Variants in LSAMP observed in about 807,000 individuals in gnomAD.
LSAMP encodes the protein limbic system associated membrane protein.
A neutral mutation model predicts 38.6 loss-of-function variants in LSAMP; 7 were observed. That is an observed-to-expected ratio of 0.18 (90% confidence interval 0.10 to 0.34). The LOEUF is 0.34. Among genes scored for constraint, LSAMP ranks in the 10% least tolerant of loss-of-function variants. The pLI is 1.00. For synonymous variants in LSAMP, 154 were observed against 166.8 expected (o/e 0.92, Z 0.59); for missense variants, 313 against 420.0 (o/e 0.75, Z 2.23).
chr3:115,939,078 CT>C (rs1307364111), intron 3 of LSAMP, among the ~76,000 whole-genome samples: 2 of 152,066 alleles, frequency 1.3e-5, no homozygotes, highest in Non-Finnish European at 2.9e-5. Flanking sequence ...ACCTTAGAAA[CT>C]GGTACTGAAA....
chr3:116,034,005 T>C (rs548296696), intron 2 of LSAMP, among the ~76,000 whole-genome samples: 1 of 152,228 alleles, frequency 6.6e-6, no homozygotes, highest in East Asian at 1.9e-4. Flanking sequence ...GAGACTACAT[T>C]TGAGTTTCTA....
chr3:116,086,309 C>T lies in LSAMP; in HGVS notation c.388+15G>A, dbSNP rs1442730694. The T allele has an allele frequency of 6.2e-7, 1 of 1,604,576 alleles. No individual in the cohort carries two copies. The highest frequency in any genetic ancestry group is 8.5e-7 in the Non-Finnish European group (1 of 1,171,654). On this transcript the variant is annotated intron_variant, in intron 2 of 6. Coordinates refer to ENST00000490035, the MANE Select transcript of LSAMP (RefSeq NM_002338.5). ...ACCTCTTTCTTACCACCCTTCTATC[C>T]CACACTTTCCTTACCTTGTACGATC... is the stretch of plus-strand genomic sequence containing the variant.
chr3:116,183,159 T>C (rs559896234), intron 1 of LSAMP, among the ~76,000 whole-genome samples: 1 of 151,954 alleles, frequency 6.6e-6, no homozygotes, highest in East Asian at 1.9e-4. Flanking sequence ...ATTGAAGTGA[T>C]GGGGATAAAA....
intron 1 of LSAMP, among the ~76,000 whole-genome samples, chr3:116,304,119 C>G (rs1032826977): frequency 6.6e-6 from 1 of 152,074 alleles, no homozygotes; most frequent in African/African-American, 2.4e-5. Flanking sequence ...CTCTGCAGTT[C>G]AACAAAGATA....
intron 3 of LSAMP, among the ~76,000 whole-genome samples, chr3:115,992,051 CTAAGT>C (rs1939685472): frequency 6.6e-6 from 1 of 152,006 alleles, no homozygotes; most frequent in Non-Finnish European, 1.5e-5. Context: ...GATGTAGAAA[CTAAGT>C]TATTTATTGT....
At chr3:116,427,245 C>A (rs543096968) in intron 1 of LSAMP, among the ~76,000 whole-genome samples, 29 of 151,332 alleles carry the variant, frequency 1.9e-4, no homozygotes, top group African/African-American at 7.3e-5. Flanking sequence ...CTCAGCCTCC[C>A]GAGTAGCTGG....
At chr3:115,888,587 C>G (rs890625501) in intron 3 of LSAMP, among the ~76,000 whole-genome samples, 32 of 151,934 alleles carry the variant, frequency 2.1e-4, no homozygotes, top group African/African-American at 6.3e-4. Flanking sequence ...TATACTCAAA[C>G]TGATCCGAAT....
intron 1 of LSAMP, among the ~76,000 whole-genome samples, chr3:116,230,693 A>C (rs2046393209): frequency 6.6e-6 from 1 of 152,100 alleles, no homozygotes; most frequent in African/African-American, 2.4e-5. Context: ...AATGTTCACC[A>C]ATTGCTGCCT....
At chr3:116,366,482 C>T (rs1363142302) in intron 1 of LSAMP, among the ~76,000 whole-genome samples, 1 of 152,096 alleles carries the variant, frequency 6.6e-6, no homozygotes, top group African/African-American at 2.4e-5. Flanking sequence ...TAATGGCCAT[C>T]CATTCTCAGT....
chr3:116,084,228 C>G (rs1452759451), intron 2 of LSAMP, among the ~76,000 whole-genome samples: 1 of 151,948 alleles, frequency 6.6e-6, no homozygotes, highest in African/African-American at 2.4e-5. Context: ...ACTTCTCCAT[C>G]CCTTAAGTTA....
intron 6 of LSAMP, among the ~76,000 whole-genome samples, chr3:115,816,357 G>A (rs1038042112): frequency 1.3e-5 from 2 of 152,178 alleles, no homozygotes; most frequent in African/African-American, 4.8e-5. Context: ...GGAACAGGGA[G>A]CAGCGCAAAG....
At chr3:116,080,364 A>G (rs1361861139) in intron 2 of LSAMP, among the ~76,000 whole-genome samples, 9 of 152,002 alleles carry the variant, frequency 5.9e-5, no homozygotes. Context: ...CTTTTCCCTT[A>G]TTTTCTCTCC....
chr3:116,172,852 G>T (rs928293014), intron 1 of LSAMP, among the ~76,000 whole-genome samples: 1 of 151,958 alleles, frequency 6.6e-6, no homozygotes, highest in African/African-American at 2.4e-5. Context: ...TATTGGCATT[G>T]TTGAGTGAAG....
intron 1 of LSAMP, among the ~76,000 whole-genome samples, chr3:116,162,021 AAATG>A (rs1278814375): frequency 6.6e-6 from 1 of 151,986 alleles, no homozygotes; most frequent in Non-Finnish European, 1.5e-5. Flanking sequence ...GCAGAAAAGA[AAATG>A]AAAGGGAAGT....
At chr3:116,269,208 T>G (rs952787938) in intron 1 of LSAMP, among the ~76,000 whole-genome samples, 1 of 152,074 alleles carries the variant, frequency 6.6e-6, no homozygotes, top group African/African-American at 2.4e-5. Flanking sequence ...GCAAGTGAGT[T>G]TGAATTTCAG....
chr3:115,967,399 G>T (rs1938852888), intron 3 of LSAMP, among the ~76,000 whole-genome samples: 1 of 152,036 alleles, frequency 6.6e-6, no homozygotes, highest in African/African-American at 2.4e-5. Flanking sequence ...CAACATTTTG[G>T]TCAAAGCCAT....
At chr3:115,861,115 CTCCT>C (rs1935670337) in intron 3 of LSAMP, among the ~76,000 whole-genome samples, 1 of 80,986 alleles carries the variant, frequency 1.2e-5, no homozygotes, top group African/African-American at 4.8e-5. Flanking sequence ...CCTCCCCTCC[CTCCT>C]TCCTTCTTTC....
chr3:116,121,529 C>T (rs1167298107), intron 1 of LSAMP, among the ~76,000 whole-genome samples: 2 of 152,192 alleles, frequency 1.3e-5, no homozygotes. Context: ...CCCAAGTTCT[C>T]TAGAACCTGA....
chr3:116,410,410 G>A (rs2048956642), intron 1 of LSAMP, among the ~76,000 whole-genome samples: 1 of 152,016 alleles, frequency 6.6e-6, no homozygotes, highest in African/African-American at 2.4e-5. Flanking sequence ...TAACATTAGA[G>A]GAAGCTCCAT....
Sources: allele counts gnomAD v4.1 joint callset (sites outside exome capture counted in the v4.1 genomes callset), GRCh38; gene constraint gnomAD v4.1.1; transcripts MANE v1.5; gene names NCBI Gene and HGNC (gene_info 2026-07-23, HGNC 2026-07-21).